Variants in PARD3 observed in about 807,000 individuals in gnomAD.
PARD3 encodes the protein partitioning defective 3 homolog.
PARD3 carries 75 observed loss-of-function variants against 155.4 expected under a neutral mutation model. The observed-to-expected ratio is 0.48, with a 90% CI of 0.40 to 0.58. The LOEUF (loss-of-function observed/expected upper bound fraction) is 0.58, where lower values mean the gene tolerates loss of function less well. PARD3 is among the 20% of genes least tolerant of loss of function. PARD3 has a pLI of 0.00. For synonymous variants in PARD3, 576 were observed against 610.5 expected (o/e 0.94, Z 0.83); for missense variants, 1,642 against 1,721.7 (o/e 0.95, Z 0.82).
chr10:34,517,046 A>T lies in PARD3; in HGVS notation c.336T>A (p.Asn112Lys). The change falls in exon 3 of 25, where the codon AAT becomes AAA. Residue 112 changes from asparagine to lysine, a missense_variant. Transcript: ENST00000374788. ...EIFGSELGTNNVSAFQPYQAT... is the reference protein window; with the variant it reads ...EIFGSELGTNKVSAFQPYQAT... The stretch of plus-strand genomic sequence containing the variant: ...CTTGGTAAGGCTGAAAGGCTGAGAC[A>T]TTGTTGGTGCCAAGCTCACTACCAA... The T allele has an allele frequency of 6.2e-7, 1 of 1,614,194 alleles. No individual in the cohort carries two copies. Among genetic ancestry groups the T allele is most frequent in the Non-Finnish European group, 8.5e-7 (1 of 1,180,018 alleles).
rs1047891840 is a variant in PARD3 at position 34,438,275 on chromosome 10, T to G, written c.714+12042A>C. On this transcript the variant is annotated intron_variant, in intron 5 of 24. Coordinates refer to ENST00000374788, the MANE Select transcript of PARD3 (RefSeq NM_001184785.2). ...TCAAGATTTAAAAAAATAGGAACATTGCATTACTTTGAGAGAACTTACATT... is the reference window on the plus strand; with the variant it reads ...TCAAGATTTAAAAAAATAGGAACATGGCATTACTTTGAGAGAACTTACATT... Among the ~76,000 whole-genome samples the G allele has an allele frequency of 1.6e-4, 24 of 152,356 alleles. No individual in the cohort carries two copies. The Middle Eastern group carries it at 0.01, about 65-fold the overall frequency.
chr10:34,367,067 T>C (rs1398389402), intron 12 of PARD3, among the ~76,000 whole-genome samples: 2 of 152,220 alleles, frequency 1.3e-5, no homozygotes, highest in Non-Finnish European at 1.5e-5. Context: ...ATTATTAATC[T>C]CTAATGTTAA....
chr10:34,603,998 C>G (rs2132524290), intron 2 of PARD3, among the ~76,000 whole-genome samples: 2 of 152,186 alleles, frequency 1.3e-5, no homozygotes, highest in South Asian at 4.2e-4. Context: ...ATTTAAAAAC[C>G]ATCCAGTTTT....
chr10:34,441,592 C>T (rs2076464465), intron 5 of PARD3, among the ~76,000 whole-genome samples: 1 of 152,134 alleles, frequency 6.6e-6, no homozygotes, highest in African/African-American at 2.4e-5. Context: ...CTAAAAGTAA[C>T]CCTGCACATG....
At chr10:34,251,680 G>A (rs561413288) in intron 22 of PARD3, among the ~76,000 whole-genome samples, 1 of 152,132 alleles carries the variant, frequency 6.6e-6, no homozygotes, top group African/African-American at 2.4e-5. Flanking sequence ...AACTATACAA[G>A]TTCTAAGAAA....
chr10:34,525,353 G>C (rs887067357), intron 2 of PARD3, among the ~76,000 whole-genome samples: 1 of 152,214 alleles, frequency 6.6e-6, no homozygotes, highest in Non-Finnish European at 1.5e-5. Flanking sequence ...AAAGACTAGC[G>C]AATGTTCCTA....
intron 4 of PARD3, among the ~76,000 whole-genome samples, chr10:34,459,539 A>G (rs1439253070): frequency 2.0e-5 from 3 of 152,230 alleles, no homozygotes; most frequent in African/African-American, 7.2e-5. Flanking sequence ...AAGTAACAAT[A>G]GCATTTTGCA....
chr10:34,442,877 G>C (rs1040323851), intron 5 of PARD3, among the ~76,000 whole-genome samples: 3 of 152,018 alleles, frequency 2.0e-5, no homozygotes, highest in Non-Finnish European at 2.9e-5. Context: ...GCCTCTTAAA[G>C]ATTAAAACAG....
At chr10:34,800,376 G>A (rs182996419) in intron 1 of PARD3, among the ~76,000 whole-genome samples, 164 of 152,142 alleles carry the variant, frequency 1.1e-3, no homozygotes, top group Middle Eastern at 3.4e-3. Flanking sequence ...TTGGGAGGTC[G>A]AGGCAGGCGA....
chr10:34,758,534 C>T (rs770301991), intron 1 of PARD3, among the ~76,000 whole-genome samples: 6 of 152,164 alleles, frequency 3.9e-5, no homozygotes, highest in Non-Finnish European at 8.8e-5. Flanking sequence ...ACTGTGTTGC[C>T]CACAATTTCC....
chr10:34,160,575 A>C (rs924269940), intron 22 of PARD3, among the ~76,000 whole-genome samples: 1 of 152,242 alleles, frequency 6.6e-6, no homozygotes, highest in Non-Finnish European at 1.5e-5. Flanking sequence ...GTCACACTAC[A>C]TTTTACAGAC....
intron 1 of PARD3, among the ~76,000 whole-genome samples, chr10:34,700,832 C>A (rs1295285297): frequency 1.3e-5 from 2 of 152,078 alleles, no homozygotes; most frequent in African/African-American, 4.8e-5. Context: ...ATTAGCCAGG[C>A]ATGGTGGCGT....
chr10:34,272,894 G>C (rs766130889), intron 21 of PARD3, among the ~76,000 whole-genome samples: 4 of 152,128 alleles, frequency 2.6e-5, no homozygotes, highest in Non-Finnish European at 5.9e-5. Context: ...CAGTTAATAG[G>C]GAAATGCAAA....
Position 34,815,106 on chromosome 10 carries a change from G to T in PARD3, c.-111C>A, listed in dbSNP as rs1844741457. 5.6e-6 allele frequency: 3 copies of T among 534,684 alleles called. No homozygotes were observed. The highest frequency in any genetic ancestry group is 8.8e-4 in the Middle Eastern group (1 of 1,140). 33.1% of individuals were successfully genotyped at this position (534,684 alleles called of 1,614,324 possible). On this transcript the variant is annotated 5_prime_UTR_variant, in exon 1 of 25. Coordinates refer to ENST00000374788, the MANE Select transcript of PARD3 (RefSeq NM_001184785.2). ...GGAGCCGCTGGGGACTCGGGCGCGC[G>T]GGCGGCTAGGGGCGCGGGCAGGCGG...
chr10:34,775,836 A>C (rs577024208), intron 1 of PARD3, among the ~76,000 whole-genome samples: 3 of 152,224 alleles, frequency 2.0e-5, no homozygotes, highest in Non-Finnish European at 2.9e-5. Context: ...AAGACATATC[A>C]TAAGAACTCT....
At chr10:34,484,813 T>G (rs1165012550) in intron 3 of PARD3, among the ~76,000 whole-genome samples, 4 of 152,196 alleles carry the variant, frequency 2.6e-5, no homozygotes, top group South Asian at 2.1e-4. Flanking sequence ...AAATTTTACC[T>G]ATGAACCTTT....
intron 2 of PARD3, among the ~76,000 whole-genome samples, chr10:34,643,684 C>A (rs947134188): frequency 6.6e-6 from 1 of 152,112 alleles, no homozygotes; most frequent in Non-Finnish European, 1.5e-5. Flanking sequence ...AGAGGTACAA[C>A]TGGGGAGGAT....
At chr10:34,456,311 T>TC in intron 4 of PARD3, among the ~76,000 whole-genome samples, 1 of 152,218 alleles carries the variant, frequency 6.6e-6, no homozygotes, top group Non-Finnish European at 1.5e-5. Context: ...TTCTTTTTTT[T>TC]CTGAGACGAA....
At chr10:34,414,275 A>G (rs1373059480) in intron 5 of PARD3, among the ~76,000 whole-genome samples, 1 of 152,162 alleles carries the variant, frequency 6.6e-6, no homozygotes, top group East Asian at 1.9e-4. Context: ...ACAAAGTACA[A>G]ATCATATTTA....
Sources: gnomAD v4.1 joint callset for allele counts (sites outside exome capture counted in the v4.1 genomes callset) on GRCh38, gnomAD v4.1.1 for gene constraint, MANE v1.5 for transcripts, NCBI Gene and HGNC (gene_info 2026-07-23, HGNC 2026-07-21) for gene names.